ZFAT: variants seen among roughly 807,000 people sequenced by gnomAD.
The protein encoded by ZFAT is zinc finger protein ZFAT.
ZFAT carries 64 observed loss-of-function variants against 117.7 expected under a neutral mutation model. The observed-to-expected ratio is 0.54, with a 90% CI of 0.44 to 0.67. The LOEUF (loss-of-function observed/expected upper bound fraction) is 0.67, where lower values mean the gene tolerates loss of function less well. ZFAT is among the 30% of genes least tolerant of loss of function. ZFAT has a pLI of 0.00. For synonymous variants in ZFAT, 679 were observed against 615.0 expected (o/e 1.10, Z -1.54); for missense variants, 1,433 against 1,584.5 (o/e 0.90, Z 1.62).
At chr8:134,619,263 T>C (rs1041676558) in intron 3 of ZFAT, among the ~76,000 whole-genome samples, 1 of 151,902 alleles carries the variant, frequency 6.6e-6, no homozygotes, top group Non-Finnish European at 1.5e-5. Context: ...ATAATATAAA[T>C]TTTATAGTAA....
At chr8:134,494,319 C>T (rs1243158861) in intron 15 of ZFAT, among the ~76,000 whole-genome samples, 1 of 152,238 alleles carries the variant, frequency 6.6e-6, no homozygotes, top group Non-Finnish European at 1.5e-5. Flanking sequence ...CCGTGACCAT[C>T]CTTGCAGGCC....
intron 2 of ZFAT, among the ~76,000 whole-genome samples, chr8:134,653,419 G>GTTTTTTTTTTT (rs61711569): frequency 5.8e-5 from 3 of 51,334 alleles, no homozygotes; most frequent in Admixed American, 2.8e-4. Flanking sequence ...CGTTTTATCT[G>GTTTTTTTTTTT]TTTTTTTTTT....
At chr8:134,682,640 GTGAA>G (rs779731481) in intron 1 of ZFAT, among the ~76,000 whole-genome samples, 3 of 152,150 alleles carry the variant, frequency 2.0e-5, no homozygotes, top group Admixed American at 6.5e-5. Flanking sequence ...GGGTGACAGA[GTGAA>G]ACTCCATCTC....
At chr8:134,769,260 A>T in the ZFAT span, among the ~76,000 whole-genome samples, 2 of 152,188 alleles carry the variant, frequency 1.3e-5, no homozygotes, top group African/African-American at 2.4e-5. Flanking sequence ...CTGTAAAATG[A>T]AAATCAAGTT....
chr8:134,588,252 G>A lies in ZFAT; in HGVS notation c.2707C>T (p.His903Tyr). The A allele has an allele frequency of 1.9e-6, 3 of 1,562,486 alleles. No individual in the cohort carries two copies. The highest frequency in any genetic ancestry group is 2.6e-6 in the Non-Finnish European group (3 of 1,153,042). Residue 903 changes from histidine (H) to tyrosine (Y), a missense_variant, in exon 9 of 16, where the codon CAT (histidine) becomes TAT (tyrosine). Physicochemically the swap from His to Tyr is moderately conservative, Grantham distance 83 (BLOSUM62 2). This residue lies in a region of ZFAT where 503 missense variants were observed against 543.4 expected (regional missense o/e 0.93). Coordinates refer to ENST00000377838, the MANE Select transcript of ZFAT (RefSeq NM_020863.4). ...GSDLQRHIWA[H>Y]EGVKPFKCSL... ...TGGAAAGATGAATACTCACCTTCAT[G>A]AGCCCAAATATGACGCTGAAGGTCT...
In ZFAT at chr8:134,498,714, C is replaced by G. The variant is rs371933238; in HGVS notation, c.3492+10905G>C. Among the ~76,000 whole-genome samples the G allele has an allele frequency of 8.8e-3, 28 of 3,188 alleles. 1 individual carries two copies. Among genetic ancestry groups the G allele is most frequent in the Admixed American group, 0.018 (3 of 166 alleles). The allele number at this position is 3,188 out of a possible 152,430, so 2.1% of individuals were successfully genotyped here. On this transcript the variant is annotated intron_variant, in intron 15 of 15. Coordinates refer to ENST00000377838, the MANE Select transcript of ZFAT (RefSeq NM_020863.4). ...ATGCCCCCGTTGCTGGTTACACACA[C>G]AGCCTGATTTGGTAGGGTTGGGGTG...
chr8:134,691,620 T>C (rs78284592), intron 1 of ZFAT, among the ~76,000 whole-genome samples: 2,922 of 152,326 alleles, frequency 0.019, 112 homozygotes, highest in African/African-American at 0.067. Flanking sequence ...AGCTCCATCC[T>C]AGCTTTCTCA....
chr8:134,797,580 A>G, the ZFAT span: 3 of 152,284 alleles, frequency 2.0e-5, no homozygotes, highest in East Asian at 3.9e-4. Context: ...GAAACCAGTT[A>G]TAACTGCACC....
At chr8:134,565,742 G>C in intron 10 of ZFAT, 1 of 416,720 alleles carries the variant, frequency 2.4e-6, no homozygotes, top group East Asian at 5.7e-5. Flanking sequence ...GGCATCAAGG[G>C]AGAGGGGCAC....
intron 15 of ZFAT, among the ~76,000 whole-genome samples, chr8:134,499,747 C>T (rs768333800): frequency 6.6e-6 from 1 of 152,214 alleles, no homozygotes; most frequent in African/African-American, 2.4e-5. Context: ...CGGGGGACTA[C>T]GTTTTGAGTA....
intron 7 of ZFAT, among the ~76,000 whole-genome samples, chr8:134,593,781 G>A (rs1325145221): frequency 6.6e-6 from 1 of 152,208 alleles, no homozygotes; most frequent in Non-Finnish European, 1.5e-5. Context: ...CCACAGTTAT[G>A]GCATGTGCTT....
chr8:134,645,958 T>C (rs1830865005), intron 2 of ZFAT, among the ~76,000 whole-genome samples: 1 of 151,992 alleles, frequency 6.6e-6, no homozygotes, highest in African/African-American at 2.4e-5. Flanking sequence ...ATCCCAGCAC[T>C]TTGGGAGGCC....
intron 1 of ZFAT, among the ~76,000 whole-genome samples, chr8:134,695,352 C>A (rs924072508): frequency 6.6e-6 from 1 of 152,202 alleles, no homozygotes; most frequent in Non-Finnish European, 1.5e-5. Flanking sequence ...AAGAGCCACT[C>A]CCCGGCTGCC....
chr8:134,702,831 C>T (rs775594565), intron 1 of ZFAT, among the ~76,000 whole-genome samples: 7 of 152,186 alleles, frequency 4.6e-5, no homozygotes, highest in Non-Finnish European at 8.8e-5. Context: ...ACCACCACGT[C>T]CAGCTAATTT....
chr8:134,740,653 G>A, the ZFAT span, among the ~76,000 whole-genome samples: 2 of 152,184 alleles, frequency 1.3e-5, no homozygotes, highest in African/African-American at 4.8e-5. Flanking sequence ...AAAGCACAAG[G>A]GCCGCTCACA....
chr8:134,563,510 C>T (rs1824202365), intron 11 of ZFAT, among the ~76,000 whole-genome samples: 1 of 152,168 alleles, frequency 6.6e-6, no homozygotes, highest in African/African-American at 2.4e-5. Flanking sequence ...CAAGGCTGTT[C>T]TGAGCATAAA....
At position 134,524,563 on chromosome 8, in the gene ZFAT, G is replaced by A. The variant is rs79611062; in HGVS notation, c.3116-3562C>T. On this transcript the variant is annotated intron_variant, in intron 12 of 15. Coordinates refer to ENST00000377838, the MANE Select transcript of ZFAT (RefSeq NM_020863.4). ...CCTCCCAGACAGGCAATGTATGGAG[G>A]AACTTTTGGTTGGCACAACTGGGGG... Among the ~76,000 whole-genome samples, 471 of 152,302 alleles carry A rather than the reference G, an allele frequency of 3.1e-3. 2 individuals carry two copies. Among genetic ancestry groups the A allele is most frequent in the Non-Finnish European group, 5.5e-3 (375 of 68,014 alleles).
intron 1 of ZFAT, among the ~76,000 whole-genome samples, chr8:134,681,135 C>A (rs1305711226): frequency 6.6e-6 from 1 of 152,192 alleles, no homozygotes; most frequent in African/African-American, 2.4e-5. Flanking sequence ...CAGAGGCACA[C>A]ACAGAATGCA....
intron 15 of ZFAT, among the ~76,000 whole-genome samples, chr8:134,499,581 CCGCTGCTGGTTACACACAG>C (rs1486426326): frequency 1.2e-4 from 18 of 150,832 alleles, no homozygotes; most frequent in African/African-American, 3.7e-4. Context: ...TGGGATGCCC[CCGCTGCTGGTTACACACAG>C]AGCCTGATTT....
Sources: gnomAD v4.1 joint callset for allele counts (sites outside exome capture counted in the v4.1 genomes callset) on GRCh38, gnomAD v4.1.1 for gene constraint, gnomAD v4.1.1 regional missense constraint, MANE v1.5 for transcripts, NCBI Gene and HGNC (gene_info 2026-07-23, HGNC 2026-07-21) for gene names.